Variants in NGF observed in about 807,000 individuals in gnomAD.
NGF encodes the protein beta-nerve growth factor.
NGF carries 4 observed loss-of-function variants against 12.8 expected under a neutral mutation model. The ratio of observed to expected loss-of-function variants is 0.31; its 90% confidence interval spans 0.15 to 0.72. The LOEUF is 0.72. NGF is among the 30% of genes least tolerant of loss of function. The probability of loss-of-function intolerance (pLI) is 0.69; values close to 1 mark genes in which losing one functional copy is unlikely to be tolerated. For synonymous variants in NGF, 140 were observed against 130.0 expected, an observed-to-expected ratio of 1.08 and a Z score of -0.52; for missense variants, 283 against 330.8, an observed-to-expected ratio of 0.86 and a Z score of 1.12.
chr1:115,308,081 C>T (rs894312923), intron 1 of NGF, among the ~76,000 whole-genome samples: 4 of 152,238 alleles, frequency 2.6e-5, no homozygotes, highest in Non-Finnish European at 5.9e-5. Context: ...ATTAATAAAA[C>T]CCCAAACCAA....
chr1:115,319,759 C>T (rs995897766), intron 1 of NGF, among the ~76,000 whole-genome samples: 3 of 152,200 alleles, frequency 2.0e-5, no homozygotes, highest in African/African-American at 7.2e-5. Context: ...AGCCCTCGTT[C>T]TTGTGCCCCC....
chr1:115,333,079 A>T (rs1472700878), intron 1 of NGF, among the ~76,000 whole-genome samples: 1 of 152,188 alleles, frequency 6.6e-6, no homozygotes, highest in Non-Finnish European at 1.5e-5. Context: ...AAGTCAGGAC[A>T]GTCTCCCCCA....
At chr1:115,316,336 A>T (rs1654475351) in intron 1 of NGF, among the ~76,000 whole-genome samples, 2 of 152,148 alleles carry the variant, frequency 1.3e-5, no homozygotes, top group Non-Finnish European at 2.9e-5. Flanking sequence ...GGACTTGAGT[A>T]GGGGCCCTGG....
intron 1 of NGF, among the ~76,000 whole-genome samples, chr1:115,316,925 T>A (rs1345538491): frequency 6.6e-6 from 1 of 152,230 alleles, no homozygotes; most frequent in Non-Finnish European, 1.5e-5. Context: ...TGCTGCTTTT[T>A]AATTCCAATT....
intron 1 of NGF, among the ~76,000 whole-genome samples, chr1:115,311,308 A>C (rs927660797): frequency 1.3e-5 from 2 of 152,226 alleles, no homozygotes; most frequent in African/African-American, 4.8e-5. Context: ...TCAGATTTAA[A>C]CTTGGAGTTG....
At chr1:115,305,972 A>G (rs1052668627) in intron 1 of NGF, among the ~76,000 whole-genome samples, 1 of 152,092 alleles carries the variant, frequency 6.6e-6, no homozygotes, top group Non-Finnish European at 1.5e-5. Flanking sequence ...CCAAATGGAA[A>G]CTGTTAATAT....
At chr1:115,306,176 A>C (rs1654197334) in intron 1 of NGF, among the ~76,000 whole-genome samples, 1 of 152,328 alleles carries the variant, frequency 6.6e-6, no homozygotes, top group African/African-American at 2.4e-5. Context: ...TCACTTTCTA[A>C]AACAAGAAAT....
intron 1 of NGF, among the ~76,000 whole-genome samples, chr1:115,320,433 T>C (rs1395314722): frequency 1.3e-5 from 2 of 152,164 alleles, no homozygotes; most frequent in Non-Finnish European, 2.9e-5. Flanking sequence ...TCTACTTGAA[T>C]ACAAGCACTG....
rs1470636713 is a variant in NGF at position 115,301,166 on chromosome 1, A to C, written c.-136-7416T>G. 2.6e-5 allele frequency among the ~76,000 whole-genome samples: 4 copies of C among 152,154 alleles called. No individual in the cohort carries two copies. In the South Asian group the frequency reaches 8.3e-4, roughly 32 times the overall value. On this transcript the variant is annotated intron_variant, in intron 1 of 2. Coordinates refer to ENST00000369512, the MANE Select transcript of NGF (RefSeq NM_002506.3). ...AAAATAAAAAGTCTGCATTGGGGAA[A>C]TTTACTCTGGAGCTAACGAGAGACC...
At chr1:115,334,962 G>A (rs1247760589) in intron 1 of NGF, among the ~76,000 whole-genome samples, 1 of 152,170 alleles carries the variant, frequency 6.6e-6, no homozygotes, top group Non-Finnish European at 1.5e-5. Flanking sequence ...TGAGGAAACT[G>A]TAACAGGAAG....
At chr1:115,335,550 T>C (rs1016179932) in intron 1 of NGF, among the ~76,000 whole-genome samples, 1 of 152,194 alleles carries the variant, frequency 6.6e-6, no homozygotes, top group Admixed American at 6.5e-5. Flanking sequence ...TCTGGGAGCA[T>C]GGGTTGTTTG....
intron 1 of NGF, among the ~76,000 whole-genome samples, chr1:115,332,732 A>C (rs1410708487): frequency 6.6e-6 from 1 of 152,158 alleles, no homozygotes; most frequent in African/African-American, 2.4e-5. Context: ...TAGGGACAGG[A>C]GAGGCCCTCC....
At chr1:115,318,129 G>C (rs1654520696) in intron 1 of NGF, among the ~76,000 whole-genome samples, 2 of 152,078 alleles carry the variant, frequency 1.3e-5, no homozygotes. Context: ...CCCAGAATGG[G>C]GGCTGAAGCT....
chr1:115,291,344 G>C (rs1026911643), intron 2 of NGF, among the ~76,000 whole-genome samples: 13 of 152,054 alleles, frequency 8.5e-5, no homozygotes, highest in African/African-American at 3.1e-4. Context: ...TTTATTTTTG[G>C]TTGATGTGAA....
chr1:115,337,261 GTTTTTGTTTTTTTTTT>G (rs1655140737), intron 1 of NGF, among the ~76,000 whole-genome samples: 2 of 11,756 alleles, frequency 1.7e-4, no homozygotes, highest in Non-Finnish European at 3.8e-4. Context: ...TTTTTGTTTT[GTTTTTGTTTTTTTTTT>G]TTTTTTTTTT....
At chr1:115,301,707 G>A (rs1654042512) in intron 1 of NGF, among the ~76,000 whole-genome samples, 1 of 152,306 alleles carries the variant, frequency 6.6e-6, no homozygotes, top group East Asian at 1.9e-4. Flanking sequence ...GCAATCATTT[G>A]CCAACAAAGA....
At chr1:115,304,689 G>A (rs1654146899) in intron 1 of NGF, among the ~76,000 whole-genome samples, 2 of 152,152 alleles carry the variant, frequency 1.3e-5, no homozygotes, top group Non-Finnish European at 2.9e-5. Flanking sequence ...TCAGCCTCCA[G>A]AAGGAGGCAC....
At chr1:115,303,950 C>G (rs1654122057) in intron 1 of NGF, among the ~76,000 whole-genome samples, 1 of 152,152 alleles carries the variant, frequency 6.6e-6, no homozygotes, top group Non-Finnish European at 1.5e-5. Context: ...CCTGATTCCC[C>G]ATATATTTCA....
At chr1:115,304,997 C>T (rs1200284262) in intron 1 of NGF, among the ~76,000 whole-genome samples, 3 of 152,044 alleles carry the variant, frequency 2.0e-5, no homozygotes, top group African/African-American at 7.2e-5. Context: ...TAGAAATCCC[C>T]AAGAGTCCTC....
Sources: allele counts gnomAD v4.1 joint callset (sites outside exome capture counted in the v4.1 genomes callset), GRCh38; gene constraint gnomAD v4.1.1; transcripts MANE v1.5; gene names NCBI Gene and HGNC (gene_info 2026-07-23, HGNC 2026-07-21).